Variants in SMYD4 observed in about 807,000 individuals in gnomAD.
The protein encoded by SMYD4 is protein-lysine N-methyltransferase SMYD4.
Under a neutral mutation model 72.8 loss-of-function variants are expected in SMYD4, and 68 were observed. The observed-to-expected ratio is 0.93, with a 90% CI of 0.77 to 1.14. The LOEUF (loss-of-function observed/expected upper bound fraction) is 1.14, where lower values mean the gene tolerates loss of function less well. SMYD4 is among the 50% of genes most tolerant of loss of function. The probability of loss-of-function intolerance (pLI) is 0.00; values close to 1 mark genes in which losing one functional copy is unlikely to be tolerated. For synonymous variants in SMYD4, 407 were observed against 388.6 expected, an observed-to-expected ratio of 1.05 and a Z score of -0.56; for missense variants, 984 against 1,003.7, an observed-to-expected ratio of 0.98 and a Z score of 0.27.
At chr17:1,828,068 C>T (rs1911294020) in intron 1 of SMYD4, 62 bp from the exon 2 acceptor site, 1 of 1,536,066 alleles carries the variant, frequency 6.5e-7, no homozygotes, top group Non-Finnish European at 8.9e-7. Flanking sequence ...ATCAAGAGTT[C>T]AGCCAGGTAC....
chr17:1,783,668 G>A (rs1033252328), intron 8 of SMYD4, 192 bp from the exon 9 acceptor site: 1 of 1,038,598 alleles, frequency 9.6e-7, no homozygotes, highest in African/African-American at 1.6e-5. Context: ...TGTCAGTGGA[G>A]AAAGGCGCTA....
chr17:1,813,759 A>G (rs1174765978), intron 2 of SMYD4, among the ~76,000 whole-genome samples: 1 of 152,160 alleles, frequency 6.6e-6, no homozygotes, highest in Admixed American at 6.6e-5. Flanking sequence ...ATTTCAAACT[A>G]AGAAGTTTAA....
At chr17:1,807,060 C>T (rs908415474) in intron 3 of SMYD4, among the ~76,000 whole-genome samples, 2 of 151,762 alleles carry the variant, frequency 1.3e-5, no homozygotes, top group Non-Finnish European at 2.9e-5. Context: ...CCAGCTTATT[C>T]TGTATTTTTA....
chr17:1,797,879 G>A (rs1012023244), intron 5 of SMYD4, among the ~76,000 whole-genome samples: 9 of 152,098 alleles, frequency 5.9e-5, no homozygotes, highest in Admixed American at 2.6e-4. Context: ...GTGCACGCCT[G>A]TAATCCCAGT....
chr17:1,803,213 AG>A (rs1319387582), intron 4 of SMYD4, among the ~76,000 whole-genome samples: 1 of 152,210 alleles, frequency 6.6e-6, no homozygotes, highest in Non-Finnish European at 1.5e-5. Flanking sequence ...TGCAACAATT[AG>A]GGGATGAGAA....
chr17:1,808,363 G>A (rs1478325530), intron 3 of SMYD4, among the ~76,000 whole-genome samples: 3 of 152,108 alleles, frequency 2.0e-5, no homozygotes, highest in Non-Finnish European at 4.4e-5. Context: ...AAAAAAGCAG[G>A]TCACAAAAGA....
At chr17:1,815,382 T>C (rs1910535720) in intron 2 of SMYD4, among the ~76,000 whole-genome samples, 1 of 151,908 alleles carries the variant, frequency 6.6e-6, no homozygotes, top group East Asian at 1.9e-4. Flanking sequence ...GATTTTTTAG[T>C]AGAGATGATG....
At chr17:1,827,745 G>T in intron 2 of SMYD4, 116 bp downstream of exon 2, 2 of 1,339,486 alleles carry the variant, frequency 1.5e-6, no homozygotes, top group Non-Finnish European at 2.0e-6. Flanking sequence ...AGACCAGCCT[G>T]GGAAACAAGC....
At chr17:1,789,432 T>C (rs901295474) in intron 5 of SMYD4, among the ~76,000 whole-genome samples, 6 of 150,916 alleles carry the variant, frequency 4.0e-5, no homozygotes, top group Non-Finnish European at 8.8e-5. Context: ...TAGGTACAAA[T>C]GTAATGGATA....
At position 1,794,379 on chromosome 17, in the gene SMYD4, A is replaced by G. The variant is rs1477728244; in HGVS notation, c.1537+5478T>C. Among the ~76,000 whole-genome samples, 4 of 149,514 alleles carry G rather than the reference A, an allele frequency of 2.7e-5. No homozygotes were observed. The South Asian group carries it at 6.3e-4, about 24-fold the overall frequency. On this transcript the variant is annotated intron_variant, in intron 5 of 10. Transcript: ENST00000305513. Reference sequence around the variant, plus strand: ...TGTGATCCACCCACCTCAGCCTCCCATAGTGCTGGGATTACAGGCCTGAGC... The same window carrying G: ...TGTGATCCACCCACCTCAGCCTCCCGTAGTGCTGGGATTACAGGCCTGAGC...
At chr17:1,806,092 T>C (rs1342144540) in intron 3 of SMYD4, among the ~76,000 whole-genome samples, 5 of 151,030 alleles carry the variant, frequency 3.3e-5, no homozygotes, top group African/African-American at 1.2e-4. Context: ...GCCTGGCCAA[T>C]TTTTTGTATT....
At chr17:1,821,056 A>G (rs1292589336) in intron 2 of SMYD4, among the ~76,000 whole-genome samples, 1 of 152,212 alleles carries the variant, frequency 6.6e-6, no homozygotes, top group African/African-American at 2.4e-5. Flanking sequence ...TATTAACCCC[A>G]GGGGAAACGA....
rs929608679 is a variant in SMYD4, at chr17:1,783,666, G to A, written c.2021-190C>T. ...TTTTCTTCTGTTTTCTCTGTCAGTG[G>A]AGAAAGGCGCTAGGGGAGGCCTCCC... On this transcript the variant is annotated intron_variant, in intron 8 of 10. Transcript: ENST00000305513. The A allele has an allele frequency of 1.2e-5, 13 of 1,059,262 alleles. No individual in the cohort carries two copies. In the African/African-American group the frequency reaches 2.1e-4, roughly 17 times the overall value. The allele number at this position is 1,059,262 out of a possible 1,614,324, so 65.6% of individuals were successfully genotyped here.
At chr17:1,789,287 C>T (rs957152216) in intron 5 of SMYD4, among the ~76,000 whole-genome samples, 3 of 151,978 alleles carry the variant, frequency 2.0e-5, no homozygotes, top group African/African-American at 4.8e-5. Flanking sequence ...ACTCGGGAGG[C>T]GAGGTACGAG....
In SMYD4 at chr17:1,804,906, T is replaced by G. The variant is rs114799912; in HGVS notation, c.280-191A>C. ...GAAGAGCAAGTGAGGACATCAGTATTAAAAGCACTTTGTCAGATACAGCTT... is the reference window on the plus strand; with the variant it reads ...GAAGAGCAAGTGAGGACATCAGTATGAAAAGCACTTTGTCAGATACAGCTT... On this transcript the variant is annotated intron_variant, in intron 3 of 10. Coordinates refer to ENST00000305513, the MANE Select transcript of SMYD4 (RefSeq NM_052928.3). Among the ~76,000 whole-genome samples, 1,028 of 152,296 alleles carry G rather than the reference T, an allele frequency of 6.8e-3. 13 individuals carry two copies. Among genetic ancestry groups the G allele is most frequent in the African/African-American group, 0.024 (982 of 41,558 alleles).
intron 5 of SMYD4, 27 bp from the exon 6 acceptor site, chr17:1,787,631 A>C (rs1908777450): frequency 7.1e-6 from 11 of 1,546,892 alleles, no homozygotes; most frequent in Non-Finnish European, 8.7e-6. Flanking sequence ...AAAGAAGGAA[A>C]AAGGTGTCAG....
Position 1,802,795 on chromosome 17 carries a change from C to A in SMYD4, c.370-1771G>T, listed in dbSNP as rs114594644. Among the ~76,000 whole-genome samples the A allele has an allele frequency of 2.4e-3, 357 of 150,836 alleles. 1 individual carries two copies. Among genetic ancestry groups the A allele is most frequent in the African/African-American group, 8.3e-3 (342 of 41,422 alleles). On this transcript the variant is annotated intron_variant, in intron 4 of 10. Transcript: ENST00000305513. ...TCCTTAGACCTCTCTAATACAAATGCCAGATGCCTCAGAGGTATCCTCCTA... is the reference window on the plus strand; with the variant it reads ...TCCTTAGACCTCTCTAATACAAATGACAGATGCCTCAGAGGTATCCTCCTA...
chr17:1,799,269 A>C (rs1049208700), intron 5 of SMYD4, among the ~76,000 whole-genome samples: 6 of 152,154 alleles, frequency 3.9e-5, no homozygotes, highest in African/African-American at 1.4e-4. Context: ...TCAAAAAAAA[A>C]AAAAGAATTT....
At chr17:1,781,669 T>A in intron 10 of SMYD4, 15 of 268,130 alleles carry the variant, frequency 5.6e-5, no homozygotes, top group South Asian at 1.0e-4. Flanking sequence ...GAGGCAAATC[T>A]CAAAGCTTTT....
Sources: gnomAD v4.1 joint callset for allele counts (sites outside exome capture counted in the v4.1 genomes callset) on GRCh38, gnomAD v4.1.1 for gene constraint, MANE v1.5 for transcripts, NCBI Gene and HGNC (gene_info 2026-07-23, HGNC 2026-07-21) for gene names.